The following POU6F2 variants were observed in gnomAD, a reference collection of about 807,000 sequenced individuals.
The protein encoded by POU6F2 is POU class 6 homeobox 2.
In POU6F2, 31 loss-of-function variants were observed where a neutral mutation model predicts 71.3. The observed-to-expected ratio is 0.43, with a 90% confidence interval of 0.33 to 0.59. The LOEUF is 0.59. Among genes scored for constraint, POU6F2 ranks in the 20% least tolerant of loss-of-function variants. The pLI is 0.04. For missense variants in POU6F2, 783 were observed against 856.8 expected, an observed-to-expected ratio of 0.91 and a Z score of 1.07; for synonymous variants, 347 against 355.7, an observed-to-expected ratio of 0.98 and a Z score of 0.27.
At chr7:39,020,485 G>A (rs1789659124) in intron 1 of POU6F2, among the ~76,000 whole-genome samples, 1 of 152,020 alleles carries the variant, frequency 6.6e-6, no homozygotes, top group African/African-American at 2.4e-5. Context: ...TTCTTTGGGG[G>A]ATTTTTTGAG....
At chr7:39,020,663 T>A (rs1399575594) in intron 1 of POU6F2, among the ~76,000 whole-genome samples, 1 of 152,176 alleles carries the variant, frequency 6.6e-6, no homozygotes, top group African/African-American at 2.4e-5. Context: ...GTCTATTTTT[T>A]ATCTACTTGA....
intron 6 of POU6F2, among the ~76,000 whole-genome samples, chr7:39,414,491 C>T (rs1787625834): frequency 6.6e-6 from 1 of 152,148 alleles, no homozygotes; most frequent in Admixed American, 6.5e-5. Context: ...GTGCCCTCGC[C>T]GTCCTGAGGC....
chr7:39,369,158 T>C lies in POU6F2; in HGVS notation c.972+29143T>C, dbSNP rs530644419. On this transcript the variant is annotated intron_variant, in intron 5 of 9. Transcript: ENST00000518318. ...AGTGACAACAAAGGATTTAGAATGC[T>C]ACATAAACTGCTGGTTGCTAAGACA... Among the ~76,000 whole-genome samples the C allele has an allele frequency of 4.2e-4, 64 of 152,252 alleles. 1 individual carries two copies. In the South Asian group the frequency reaches 9.9e-3, roughly 24 times the overall value.
At chr7:39,041,017 T>C (rs1584513307) in intron 1 of POU6F2, among the ~76,000 whole-genome samples, 1 of 152,096 alleles carries the variant, frequency 6.6e-6, no homozygotes, top group South Asian at 2.1e-4. Flanking sequence ...AATCGAGCCA[T>C]GGTTAGTGTT....
intron 2 of POU6F2, among the ~76,000 whole-genome samples, chr7:39,177,931 A>T (rs1188172777): frequency 1.3e-5 from 2 of 152,194 alleles, no homozygotes; most frequent in African/African-American, 4.8e-5. Flanking sequence ...ATTCCATATA[A>T]TTATATCTGT....
rs1786421630 is a variant in POU6F2 at position 39,362,957 on chromosome 7, TG to T, written c.972+22946del. Among the ~76,000 whole-genome samples the T allele has an allele frequency of 2.0e-5, 3 of 151,970 alleles. No individual in the cohort carries two copies. The South Asian group carries it at 6.2e-4, about 32-fold the overall frequency. On this transcript the variant is annotated intron_variant, in intron 5 of 9. Transcript: ENST00000518318. Reference sequence around the variant, plus strand: ...GGGCAAGGGACAGAGAGGCAGGAGATGGGGCCACAGAAGAAGCAGAGGCCAG... The same window carrying T: ...GGGCAAGGGACAGAGAGGCAGGAGATGGGCCACAGAAGAAGCAGAGGCCAG...
At chr7:39,323,931 A>T (rs1270348384) in intron 4 of POU6F2, among the ~76,000 whole-genome samples, 1 of 151,738 alleles carries the variant, frequency 6.6e-6, no homozygotes, top group East Asian at 1.9e-4. Flanking sequence ...AACATGGTGA[A>T]ACCTCATCTC....
chr7:39,142,497 T>C (rs1463766813), intron 2 of POU6F2, among the ~76,000 whole-genome samples: 1 of 152,172 alleles, frequency 6.6e-6, no homozygotes, highest in Non-Finnish European at 1.5e-5. Flanking sequence ...TGGTAACTAA[T>C]GAAAAAGAAA....
chr7:39,166,131 C>G (rs1793111582), intron 2 of POU6F2, among the ~76,000 whole-genome samples: 1 of 152,162 alleles, frequency 6.6e-6, no homozygotes. Context: ...TAATGTCCAA[C>G]ACAAACAAGA....
chr7:39,082,306 A>G (rs913027634), intron 1 of POU6F2, among the ~76,000 whole-genome samples: 2 of 152,228 alleles, frequency 1.3e-5, no homozygotes, highest in Non-Finnish European at 2.9e-5. Flanking sequence ...CACACATGCA[A>G]TACTGTTCCA....
At chr7:39,171,016 C>CTTTTTTTT (rs760022218) in intron 2 of POU6F2, among the ~76,000 whole-genome samples, 107 of 94,586 alleles carry the variant, frequency 1.1e-3, no homozygotes, top group African/African-American at 2.9e-3. Flanking sequence ...TCACATATAT[C>CTTTTTTTT]TTTTTTTTTT....
In POU6F2 at chr7:39,339,081, T is replaced by A. The variant is rs1383754580; in HGVS notation, c.599-561T>A. The stretch of plus-strand genomic sequence containing the variant: ...AGAAGCATGTACTGCTTTTGAATTT[T>A]TAAAAAAAAAAAAAAACAGTTAGAA... On this transcript the variant is annotated intron_variant, in intron 4 of 9. Transcript: ENST00000518318. Among the ~76,000 whole-genome samples, 786 of 142,682 alleles carry A rather than the reference T, an allele frequency of 5.5e-3. 7 individuals carry two copies. The highest frequency in any genetic ancestry group is 8.6e-3 in the Non-Finnish European group (544 of 63,348). 93.6% of individuals were successfully genotyped at this position (142,682 alleles called of 152,430 possible).
At chr7:39,328,427 T>C (rs1209723980) in intron 4 of POU6F2, among the ~76,000 whole-genome samples, 1 of 152,212 alleles carries the variant, frequency 6.6e-6, no homozygotes. Context: ...ATATCTATTG[T>C]TGACTTTTCA....
rs1009806144 is a variant in POU6F2, at chr7:39,410,077, G to C, written c.1113+3337G>C. 1.3e-4 allele frequency among the ~76,000 whole-genome samples: 20 copies of C among 152,354 alleles called. No individual in the cohort carries two copies. In the Middle Eastern group the frequency reaches 0.01, roughly 78 times the overall value. On this transcript the variant is annotated intron_variant, in intron 6 of 9. Coordinates refer to ENST00000518318, the MANE Select transcript of POU6F2 (RefSeq NM_001370959.1). ...GGTCATAGAGTAGAGGCCAGGCATGGTGGCTCATGCCTATAATCCCAGCAC... is the reference window on the plus strand; with the variant it reads ...GGTCATAGAGTAGAGGCCAGGCATGCTGGCTCATGCCTATAATCCCAGCAC...
At chr7:39,307,796 C>T (rs1037365687) in intron 4 of POU6F2, among the ~76,000 whole-genome samples, 6 of 151,992 alleles carry the variant, frequency 3.9e-5, no homozygotes, top group Admixed American at 1.3e-4. Context: ...GGCAAAACCC[C>T]GTCTCTACTA....
At chr7:39,035,627 C>A (rs1293680099) in intron 1 of POU6F2, among the ~76,000 whole-genome samples, 1 of 152,026 alleles carries the variant, frequency 6.6e-6, no homozygotes, top group Non-Finnish European at 1.5e-5. Context: ...GAATGGGATT[C>A]CCAGTTATTA....
rs1345727884 is a variant in POU6F2 at position 39,343,548 on chromosome 7, A to G, written c.972+3533A>G. On this transcript the variant is annotated intron_variant, in intron 5 of 9. Transcript: ENST00000518318. Reference sequence around the variant, plus strand: ...AAAAGAAAACTCCTTGGGAGTTTTTATTTGCACTGGTAAAATTTCAGACAT... The same window carrying G: ...AAAAGAAAACTCCTTGGGAGTTTTTGTTTGCACTGGTAAAATTTCAGACAT... 2.0e-5 allele frequency among the ~76,000 whole-genome samples: 3 copies of G among 152,178 alleles called. No individual in the cohort carries two copies. In the East Asian group the frequency reaches 5.8e-4, roughly 29 times the overall value.
At chr7:38,988,333 A>C (rs535859603) in intron 1 of POU6F2, among the ~76,000 whole-genome samples, 1 of 152,092 alleles carries the variant, frequency 6.6e-6, no homozygotes, top group Admixed American at 6.5e-5. Context: ...GAGCTTGGGT[A>C]TTAGTATTTT....
At chr7:39,172,172 T>A (rs995157312) in intron 2 of POU6F2, among the ~76,000 whole-genome samples, 1 of 152,226 alleles carries the variant, frequency 6.6e-6, no homozygotes, top group African/African-American at 2.4e-5. Context: ...TCTTTGCACA[T>A]TTGTGTTCAC....
Sources: allele counts gnomAD v4.1 joint callset (sites outside exome capture counted in the v4.1 genomes callset), GRCh38; gene constraint gnomAD v4.1.1; transcripts MANE v1.5; gene names NCBI Gene and HGNC (gene_info 2026-07-23, HGNC 2026-07-21).